Variants in AP2A2 observed in about 807,000 individuals in gnomAD.
AP2A2 encodes adaptor related protein complex 2 subunit alpha 2.
AP2A2 carries 32 observed loss-of-function variants against 104.2 expected under a neutral mutation model. The observed-to-expected ratio is 0.31, with a 90% confidence interval of 0.23 to 0.41. The LOEUF is 0.41. Among genes scored for constraint, AP2A2 ranks in the 10% least tolerant of loss-of-function variants. The pLI is 1.00. For missense variants in AP2A2, 912 were observed against 1,261.0 expected, an observed-to-expected ratio of 0.72 and a Z score of 4.19; for synonymous variants, 539 against 533.3, an observed-to-expected ratio of 1.01 and a Z score of -0.15.
At chr11:933,209 A>G (rs140331996) in intron 1 of AP2A2, among the ~76,000 whole-genome samples, 3,230 of 152,358 alleles carry the variant, frequency 0.021, 51 homozygotes, top group Middle Eastern at 0.078. Flanking sequence ...CGGAGGTTGC[A>G]GTAAGCCAAG....
At chr11:987,461 A>C (rs1855499562) in intron 9 of AP2A2, among the ~76,000 whole-genome samples, 1 of 151,988 alleles carries the variant, frequency 6.6e-6, no homozygotes, top group Non-Finnish European at 1.5e-5. Flanking sequence ...CATCCCGGCT[A>C]ACACGGTGAA....
intron 1 of AP2A2, among the ~76,000 whole-genome samples, chr11:939,725 G>C (rs1029649018): frequency 6.6e-6 from 1 of 152,042 alleles, no homozygotes; most frequent in Admixed American, 6.6e-5. Flanking sequence ...GATTACAGGC[G>C]TGAGCCACCG....
intron 1 of AP2A2, among the ~76,000 whole-genome samples, chr11:932,322 A>G (rs1853316387): frequency 6.6e-6 from 1 of 152,228 alleles, no homozygotes; most frequent in East Asian, 1.9e-4. Context: ...GTTAAATTTT[A>G]TTTGTTCATG....
At position 995,875 on chromosome 11, in the gene AP2A2, G is replaced by A. The variant is rs369582014; in HGVS notation, c.1956+1630G>A. ...TTGAATTGCCTGTGAGCTCATCCTG[G>A]AGTGAATGAAATGAATGAAAGATGT... On this transcript the variant is annotated intron_variant, in intron 14 of 21. Transcript: ENST00000448903. 1.2e-3 allele frequency among the ~76,000 whole-genome samples: 177 copies of A among 148,464 alleles called. 3 individuals carry two copies. The highest frequency in any genetic ancestry group is 4.2e-3 in the African/African-American group (169 of 39,994).
chr11:957,029 T>G (rs555377617), intron 1 of AP2A2: 1 of 152,320 alleles, frequency 6.6e-6, no homozygotes, highest in Admixed American at 6.5e-5. Flanking sequence ...CCCCTACTTC[T>G]CATGTTAGCC....
chr11:991,952 C>T (rs1274340428), intron 10 of AP2A2, among the ~76,000 whole-genome samples: 3 of 151,994 alleles, frequency 2.0e-5, no homozygotes, highest in African/African-American at 2.4e-5. Context: ...GTGGCTGCCA[C>T]GTGGGTGTGG....
intron 1 of AP2A2, among the ~76,000 whole-genome samples, chr11:952,756 C>T (rs1354013714): frequency 2.0e-5 from 3 of 152,210 alleles, no homozygotes; most frequent in African/African-American, 7.2e-5. Context: ...GGGTCAGTTA[C>T]TCTTGCTCAT....
intron 8 of AP2A2, among the ~76,000 whole-genome samples, chr11:986,086 C>T (rs1026523473): frequency 6.6e-6 from 1 of 152,236 alleles, no homozygotes; most frequent in African/African-American, 2.4e-5. Context: ...AGTTGCGGCG[C>T]ACCACATGTG....
intron 2 of AP2A2, among the ~76,000 whole-genome samples, chr11:969,469 A>G (rs1854743061): frequency 6.6e-6 from 1 of 151,872 alleles, no homozygotes. Context: ...CAGGTGATCC[A>G]CCTGCCTCGG....
intron 1 of AP2A2, among the ~76,000 whole-genome samples, chr11:927,851 C>T (rs1038364300): frequency 8.0e-6 from 1 of 125,500 alleles, no homozygotes; most frequent in Non-Finnish European, 1.7e-5. Flanking sequence ...GGCTTAGAAA[C>T]ACCCTCAGAT....
chr11:958,123 G>C (rs1381077115), intron 1 of AP2A2, among the ~76,000 whole-genome samples: 1 of 152,240 alleles, frequency 6.6e-6, no homozygotes, highest in African/African-American at 2.4e-5. Flanking sequence ...AAGTCATAGA[G>C]GTGGGGTCCT....
chr11:999,576 G>A (rs1855961448), intron 14 of AP2A2, among the ~76,000 whole-genome samples: 4 of 152,002 alleles, frequency 2.6e-5, no homozygotes. Context: ...CAGTCTTTCT[G>A]TCTCAACCTT....
At chr11:927,010 C>T (rs1188979067) in intron 1 of AP2A2, among the ~76,000 whole-genome samples, 1 of 152,182 alleles carries the variant, frequency 6.6e-6, no homozygotes, top group Non-Finnish European at 1.5e-5. Flanking sequence ...AGCCAGTTTC[C>T]TGTCTGCTGC....
In AP2A2 at chr11:985,662, C is replaced by T. The variant is rs1855430152; in HGVS notation, c.962+80C>T. ...CTCGTTGGCACGAGACTGGGCGGAT[C>T]ATGTCTGGTTTGTCCACTCCATGGG... On this transcript the variant is annotated intron_variant, in intron 8 of 21. Transcript: ENST00000448903. The T allele has an allele frequency of 7.6e-6, 12 of 1,580,702 alleles. No individual in the cohort carries two copies. In the Middle Eastern group the frequency reaches 1.0e-3, roughly 132 times the overall value.
chr11:958,850 T>C (rs1389390872), intron 1 of AP2A2, among the ~76,000 whole-genome samples: 1 of 152,178 alleles, frequency 6.6e-6, no homozygotes, highest in Non-Finnish European at 1.5e-5. Context: ...ATTCAGTCCA[T>C]ACGGCAGGGG....
intron 10 of AP2A2, 74 bp downstream of exon 10, chr11:988,763 T>C: frequency 6.4e-7 from 1 of 1,555,574 alleles, no homozygotes; most frequent in South Asian, 1.1e-5. Flanking sequence ...CTTCGTGCTC[T>C]GCGATTCCGT....
At chr11:934,174 C>G (rs1166472578) in intron 1 of AP2A2, among the ~76,000 whole-genome samples, 1 of 152,128 alleles carries the variant, frequency 6.6e-6, no homozygotes. Flanking sequence ...GGTCGAAACT[C>G]CAGGTCGAGT....
intron 1 of AP2A2, among the ~76,000 whole-genome samples, chr11:940,063 T>C (rs1430328159): frequency 5.3e-5 from 8 of 150,856 alleles, no homozygotes. Flanking sequence ...CAAGCGATTC[T>C]CCTGCCTCAG....
At chr11:942,507 T>C (rs1853688736) in intron 1 of AP2A2, 1 of 152,172 alleles carries the variant, frequency 6.6e-6, no homozygotes, top group Admixed American at 6.5e-5. Flanking sequence ...TTGCTGGTAA[T>C]AGAATATAGT....
Sources: allele counts gnomAD v4.1 joint callset (sites outside exome capture counted in the v4.1 genomes callset), GRCh38; gene constraint gnomAD v4.1.1; transcripts MANE v1.5; gene names NCBI Gene and HGNC (gene_info 2026-07-23, HGNC 2026-07-21).